Variants in SLC4A4 observed in about 807,000 individuals in gnomAD.
SLC4A4 encodes the protein solute carrier family 4 member 4.
Under a neutral mutation model 111.5 loss-of-function variants are expected in SLC4A4, and 27 were observed. The observed-to-expected ratio is 0.24, with a 90% CI of 0.18 to 0.33. The LOEUF is 0.33. Ranked by LOEUF, SLC4A4 falls within the 10% of genes least tolerant of loss-of-function variation. The pLI is 1.00. For missense variants in SLC4A4, 909 were observed against 1,315.5 expected (o/e 0.69, Z 4.78); for synonymous variants, 443 against 463.4 (o/e 0.96, Z 0.57).
At chr4:71,506,487 A>G (rs1410730672) in intron 16 of SLC4A4, among the ~76,000 whole-genome samples, 1 of 151,908 alleles carries the variant, frequency 6.6e-6, no homozygotes, top group Non-Finnish European at 1.5e-5. Flanking sequence ...TTGGCTTTCG[A>G]CTTTCCTGTG....
chr4:71,461,862 C>A (rs1487994512), intron 12 of SLC4A4, among the ~76,000 whole-genome samples: 1 of 152,066 alleles, frequency 6.6e-6, no homozygotes, highest in Non-Finnish European at 1.5e-5. Flanking sequence ...TAAAGTAAAG[C>A]AAGCTATTTT....
At chr4:71,166,951 T>C (rs1347081574) in intron 2 of SLC4A4, among the ~76,000 whole-genome samples, 1 of 152,172 alleles carries the variant, frequency 6.6e-6, no homozygotes, top group Non-Finnish European at 1.5e-5. Flanking sequence ...AACTGGCTGA[T>C]CTGAATACCA....
chr4:71,355,795 G>A (rs1283841315), intron 5 of SLC4A4, among the ~76,000 whole-genome samples: 3 of 152,218 alleles, frequency 2.0e-5, no homozygotes, highest in African/African-American at 7.2e-5. Flanking sequence ...AAAGAAGTGG[G>A]AATCCTTGGG....
chr4:71,550,365 C>A (rs141862524), intron 20 of SLC4A4, among the ~76,000 whole-genome samples: 1 of 151,832 alleles, frequency 6.6e-6, no homozygotes, highest in Non-Finnish European at 1.5e-5. Context: ...AAGTTAAGTG[C>A]GTTTATCACA....
At chr4:71,164,531 G>C (rs979268341) in intron 2 of SLC4A4, among the ~76,000 whole-genome samples, 1 of 112,840 alleles carries the variant, frequency 8.9e-6, no homozygotes, top group Non-Finnish European at 1.8e-5. Context: ...TTACTTTGTG[G>C]AAAGAAATGA....
At chr4:71,271,309 G>C (rs1409448359) in intron 3 of SLC4A4, among the ~76,000 whole-genome samples, 2 of 152,176 alleles carry the variant, frequency 1.3e-5, no homozygotes, top group African/African-American at 4.8e-5. Context: ...CTCCAGAGAG[G>C]GGACAAGTAT....
intron 7 of SLC4A4, among the ~76,000 whole-genome samples, chr4:71,418,991 T>G (rs921336934): frequency 6.6e-6 from 1 of 152,166 alleles, no homozygotes; most frequent in African/African-American, 2.4e-5. Flanking sequence ...TCCGCAGCGG[T>G]GTTTGCAGAA....
At chr4:71,510,858 C>CT (rs950742996) in intron 16 of SLC4A4, among the ~76,000 whole-genome samples, 6 of 151,906 alleles carry the variant, frequency 3.9e-5, no homozygotes, top group Non-Finnish European at 7.4e-5. Context: ...TGATTTCTTA[C>CT]TTTTTATCTT....
At chr4:71,288,407 A>ATTTT (rs112503573) in intron 3 of SLC4A4, among the ~76,000 whole-genome samples, 1 of 145,904 alleles carries the variant, frequency 6.9e-6, no homozygotes, top group African/African-American at 2.5e-5. Context: ...AGGGTAGGGG[A>ATTTT]TTTTTTTTTT....
At chr4:71,318,239 G>A (rs930076424) in intron 3 of SLC4A4, among the ~76,000 whole-genome samples, 2 of 152,036 alleles carry the variant, frequency 1.3e-5, no homozygotes, top group Non-Finnish European at 2.9e-5. Context: ...ATTTTAAATA[G>A]TAATAGATTC....
At position 71,159,716 on chromosome 4, in the gene SLC4A4, CA is replaced by C. The variant is rs1744569825; in HGVS notation, c.-2+66928del. On this transcript the variant is annotated intron_variant, in intron 2 of 26. Coordinates refer to the SLC4A4 transcript ENST00000649996. ...ATTCTTAAAAATGGAGTTGCTGGGC[CA>C]AAAGTATTACTTTTATTATTACTGT... Among the ~76,000 whole-genome samples the C allele has an allele frequency of 2.0e-5, 3 of 152,096 alleles. No homozygotes were observed. The East Asian group carries it at 5.8e-4, about 29-fold the overall frequency.
At chr4:71,087,228 A>G (rs879364555) in intron 1 of SLC4A4, among the ~76,000 whole-genome samples, 11 of 151,682 alleles carry the variant, frequency 7.3e-5, no homozygotes, top group Non-Finnish European at 1.6e-4. Flanking sequence ...GGTAGTTTGT[A>G]TTTCTGTGGG....
At chr4:71,224,625 T>A (rs1718942905) in intron 1 of SLC4A4, among the ~76,000 whole-genome samples, 1 of 152,192 alleles carries the variant, frequency 6.6e-6, no homozygotes, top group South Asian at 2.1e-4. Flanking sequence ...ACTACCTAAG[T>A]GTTTGCTAAA....
chr4:71,398,284 CAAA>C (rs34473877), intron 7 of SLC4A4, among the ~76,000 whole-genome samples: 12 of 78,404 alleles, frequency 1.5e-4, no homozygotes, highest in Admixed American at 2.4e-4. Context: ...GACTTTGTCT[CAAA>C]AAAAAAAAAA....
chr4:71,145,201 A>G (rs938010061), intron 2 of SLC4A4, among the ~76,000 whole-genome samples: 2 of 152,290 alleles, frequency 1.3e-5, no homozygotes, highest in South Asian at 2.1e-4. Context: ...ATCTATTGAG[A>G]TAATCATGTG....
At chr4:71,553,494 A>C (rs1736212382) in intron 20 of SLC4A4, among the ~76,000 whole-genome samples, 2 of 151,852 alleles carry the variant, frequency 1.3e-5, no homozygotes, top group Non-Finnish European at 1.5e-5. Flanking sequence ...TACCCAGATT[A>C]AAAAGGAACT....
At chr4:71,361,053 A>G (rs952204295) in intron 6 of SLC4A4, among the ~76,000 whole-genome samples, 1 of 152,156 alleles carries the variant, frequency 6.6e-6, no homozygotes, top group Non-Finnish European at 1.5e-5. Flanking sequence ...CACCCTGAGA[A>G]CAGAGGGAAA....
intron 6 of SLC4A4, among the ~76,000 whole-genome samples, chr4:71,378,276 G>T (rs4130917): frequency 3.3e-5 from 5 of 152,188 alleles, no homozygotes; most frequent in African/African-American, 9.7e-5. Flanking sequence ...CTACCACCCA[G>T]TCACAAAAGG....
At chr4:71,334,450 C>T (rs1478979900) in intron 3 of SLC4A4, among the ~76,000 whole-genome samples, 9 of 151,970 alleles carry the variant, frequency 5.9e-5, no homozygotes. Flanking sequence ...AGGAGTTTCT[C>T]CCAGAGCTGC....
Sources: allele counts gnomAD v4.1 joint callset (sites outside exome capture counted in the v4.1 genomes callset), GRCh38; gene constraint gnomAD v4.1.1; transcripts MANE v1.5; gene names NCBI Gene and HGNC (gene_info 2026-07-23, HGNC 2026-07-21).